PRDM16: variants seen among roughly 807,000 people sequenced by gnomAD.
The protein encoded by PRDM16 is histone-lysine N-methyltransferase PRDM16.
A neutral mutation model predicts 110.6 loss-of-function variants in PRDM16; 23 were observed. The ratio of observed to expected loss-of-function variants is 0.21; its 90% confidence interval spans 0.15 to 0.29. The LOEUF (loss-of-function observed/expected upper bound fraction) is 0.29. PRDM16 is among the 10% of genes least tolerant of loss of function. The pLI, the probability that PRDM16 is intolerant of heterozygous loss-of-function variation, is 1.00. For missense variants in PRDM16, 1,615 were observed against 1,794.3 expected, an observed-to-expected ratio of 0.90 and a Z score of 1.81; for synonymous variants, 799 against 781.8, an observed-to-expected ratio of 1.02 and a Z score of -0.37.
rs547428509 is a variant in PRDM16 at position 3,196,592 on chromosome 1, AG to A, written c.387+10119del. Reference sequence around the variant, plus strand: ...TGCCCGTGGCACCAGAGAGGGGTTCAGCCAGGAACCGCAGGGGTTCCTGACC... The same window carrying A: ...TGCCCGTGGCACCAGAGAGGGGTTCACCAGGAACCGCAGGGGTTCCTGACC... On this transcript the variant is annotated intron_variant, in intron 2 of 16. Transcript: ENST00000270722. 2.9e-3 allele frequency among the ~76,000 whole-genome samples: 435 copies of A among 152,288 alleles called. 2 individuals carry two copies. Among genetic ancestry groups the A allele is most frequent in the Middle Eastern group, 6.8e-3 (2 of 294 alleles).
At chr1:3,106,723 G>T (rs556881536) in intron 1 of PRDM16, among the ~76,000 whole-genome samples, 8 of 152,276 alleles carry the variant, frequency 5.3e-5, no homozygotes, top group Middle Eastern at 3.4e-3. Context: ...GGCCAGCATG[G>T]GGGGGAGCAG....
Position 3,437,983 on chromosome 1 carries a change from C to T in PRDM16, c.*4172C>T. ...ATCCTCGCAGAATCACAGACCTGTG[C>T]CGCCCGCCACCTTCTGCCATTGTTA... On this transcript the variant is annotated 3_prime_UTR_variant, in exon 17 of 17. Coordinates refer to ENST00000270722, the MANE Select transcript of PRDM16 (RefSeq NM_022114.4). 4.6e-6 allele frequency: 1 copy of T among 219,720 alleles called. No individual in the cohort carries two copies. Among genetic ancestry groups the T allele is most frequent in the Non-Finnish European group, 9.1e-6 (1 of 109,432 alleles). The allele number at this position is 219,720 out of a possible 1,614,324, so 13.6% of individuals were successfully genotyped here.
intron 2 of PRDM16, among the ~76,000 whole-genome samples, chr1:3,238,744 G>A (rs190753995): frequency 6.6e-6 from 1 of 152,362 alleles, no homozygotes; most frequent in African/African-American, 2.4e-5. Flanking sequence ...TCAGGTGCAA[G>A]TCCCGGGTGG....
At chr1:3,380,005 C>T (rs1411380249) in intron 3 of PRDM16, among the ~76,000 whole-genome samples, 2 of 129,390 alleles carry the variant, frequency 1.5e-5, no homozygotes, top group South Asian at 2.8e-4. Context: ...TCCCAGCACA[C>T]CCCTCCCAGT....
chr1:3,180,994 A>ACC (rs1644150481), intron 1 of PRDM16, among the ~76,000 whole-genome samples: 2 of 136,816 alleles, frequency 1.5e-5, no homozygotes, highest in African/African-American at 5.3e-5. Context: ...AGTCTTACAC[A>ACC]CGATCTTACA....
chr1:3,139,844 T>G (rs1279591238), intron 1 of PRDM16, among the ~76,000 whole-genome samples: 1 of 152,154 alleles, frequency 6.6e-6, no homozygotes, highest in East Asian at 1.9e-4. Context: ...TGAAAGACGG[T>G]CCTAAGACAC....
In PRDM16 at chr1:3,091,835, C is replaced by T. The variant is rs531913844; in HGVS notation, c.37+22539C>T. Among the ~76,000 whole-genome samples, 19 of 152,318 alleles carry T rather than the reference C, an allele frequency of 1.2e-4. No homozygotes were observed. The South Asian group carries it at 3.5e-3, about 28-fold the overall frequency. On this transcript the variant is annotated intron_variant, in intron 1 of 16. Coordinates refer to ENST00000270722, the MANE Select transcript of PRDM16 (RefSeq NM_022114.4). ...CCCCACTTGCCCCGACTCTGTGAACCTGGAGAGAAAGGGCCTGTCCCCAGA... is the reference window on the plus strand; with the variant it reads ...CCCCACTTGCCCCGACTCTGTGAACTTGGAGAGAAAGGGCCTGTCCCCAGA...
At chr1:3,287,161 C>T (rs185168014) in intron 3 of PRDM16, among the ~76,000 whole-genome samples, 129 of 152,330 alleles carry the variant, frequency 8.5e-4, no homozygotes, top group African/African-American at 2.7e-3. Flanking sequence ...GGGACCTGGA[C>T]GCTTGATGTT....
Position 3,246,383 on chromosome 1 carries a change from C to CA in PRDM16, c.438+2247dup. 6.6e-6 allele frequency among the ~76,000 whole-genome samples: 1 copy of CA among 152,230 alleles called. No individual in the cohort carries two copies. The highest frequency in any genetic ancestry group is 6.5e-5 in the Admixed American group (1 of 15,292). The stretch of plus-strand genomic sequence containing the variant: ...CGGGCTGAGGAGTCTCAGGTTCCGC[C>CA]ATCCCACGGAATCAGAGCAGACCCG... On this transcript the variant is annotated intron_variant, in intron 3 of 16. Transcript: ENST00000270722. The surrounding 1 kb of genome is among the most constrained non-coding windows in gnomAD (Gnocchi z 5.2).
rs1252021983 is a variant in PRDM16 at position 3,213,088 on chromosome 1, G to A, written c.387+26614G>A. Among the ~76,000 whole-genome samples, 1 of 152,200 alleles carries A rather than the reference G, an allele frequency of 6.6e-6. No individual in the cohort carries two copies. The highest frequency in any genetic ancestry group is 2.4e-5 in the African/African-American group (1 of 41,460). The stretch of plus-strand genomic sequence containing the variant: ...GCCGCACGCTTCCCCGGGAGGCCGA[G>A]CTCAGGAAGACGCGGCAAATCCCAT... On this transcript the variant is annotated intron_variant, in intron 2 of 16. Coordinates refer to ENST00000270722, the MANE Select transcript of PRDM16 (RefSeq NM_022114.4). The surrounding 1 kb of genome is among the most constrained non-coding windows in gnomAD (Gnocchi z 5.3).
chr1:3,334,781 G>C (rs976819022), intron 3 of PRDM16, among the ~76,000 whole-genome samples: 8 of 152,218 alleles, frequency 5.3e-5, no homozygotes, highest in Non-Finnish European at 7.3e-5. Flanking sequence ...GCCGGGAACA[G>C]AGCAAACGAA....
In PRDM16 at chr1:3,287,483, T is replaced by C. The variant is rs12030043; in HGVS notation, c.438+43346T>C. ...CCCCTGCCACGCGGGCATCCAGGATTGCATTTACCGGGGCTGGAGCCGCCC... is the reference window on the plus strand; with the variant it reads ...CCCCTGCCACGCGGGCATCCAGGATCGCATTTACCGGGGCTGGAGCCGCCC... On this transcript the variant is annotated intron_variant, in intron 3 of 16. Transcript: ENST00000270722. Among the ~76,000 whole-genome samples the C allele has an allele frequency of 5.7e-3, 451 of 79,218 alleles. 71 individuals are homozygous for C. The East Asian group carries it at 0.086, about 15-fold the overall frequency. 52.0% of individuals were successfully genotyped at this position (79,218 alleles called of 152,430 possible). A position where few individuals can be genotyped will look rare whatever the true frequency, so the allele number is the denominator to read the frequency against.
rs1447598512 is a variant in PRDM16 at position 3,127,930 on chromosome 1, G to A, written c.38-58195G>A. On this transcript the variant is annotated intron_variant, in intron 1 of 16. Coordinates refer to ENST00000270722, the MANE Select transcript of PRDM16 (RefSeq NM_022114.4). ...ACAGAAGCCTGGGTGCTGTGGCCATGGAGGAGGGGCTCCCGCCTCTGGTCA... is the reference window on the plus strand; with the variant it reads ...ACAGAAGCCTGGGTGCTGTGGCCATAGAGGAGGGGCTCCCGCCTCTGGTCA... 3 of 154,114 alleles carry A rather than the reference G, an allele frequency of 1.9e-5. No individual in the cohort carries two copies. In the Admixed American group the frequency reaches 2.0e-4, roughly 10 times the overall value. The allele number at this position is 154,114 out of a possible 1,614,324, so 9.5% of individuals were successfully genotyped here.
In PRDM16 at chr1:3,128,728, G is replaced by A. The variant is rs150172433; in HGVS notation, c.38-57397G>A. ...TACTGGAGACCATCCCACCCGGGTC[G>A]GTGGCTGTTTTCCGGTGGTGGCAAC... On this transcript the variant is annotated intron_variant, in intron 1 of 16. Coordinates refer to ENST00000270722, the MANE Select transcript of PRDM16 (RefSeq NM_022114.4). 6.4e-3 allele frequency among the ~76,000 whole-genome samples: 970 copies of A among 151,902 alleles called. 11 individuals carry two copies. The highest frequency in any genetic ancestry group is 0.031 in the Middle Eastern group (9 of 294).
chr1:3,250,867 C>T (rs1296699381), intron 3 of PRDM16, among the ~76,000 whole-genome samples: 1 of 152,184 alleles, frequency 6.6e-6, no homozygotes. Context: ...GAGGGTACAG[C>T]CTGGGGGAAA....
At chr1:3,409,595 C>A (rs1432584253) in intron 8 of PRDM16, among the ~76,000 whole-genome samples, 1 of 152,070 alleles carries the variant, frequency 6.6e-6, no homozygotes, top group African/African-American at 2.4e-5. Flanking sequence ...TTGTTTCCAC[C>A]ACGCCGTGTT....
chr1:3,323,299 C>A (rs905588651), intron 3 of PRDM16, among the ~76,000 whole-genome samples: 4 of 152,218 alleles, frequency 2.6e-5, no homozygotes, highest in Admixed American at 2.6e-4. Flanking sequence ...GAGAGTCCGA[C>A]CTCCTGGGCT....
chr1:3,218,531 C>T lies in PRDM16; in HGVS notation c.388-25556C>T, dbSNP rs1207504016. Reference sequence around the variant, plus strand: ...AGATGTGCCCGCCCGCACAGGTGGGCATCGGTGGGGCCTGTCTCTTCACCA... The same window carrying T: ...AGATGTGCCCGCCCGCACAGGTGGGTATCGGTGGGGCCTGTCTCTTCACCA... On this transcript the variant is annotated intron_variant, in intron 2 of 16. Coordinates refer to ENST00000270722, the MANE Select transcript of PRDM16 (RefSeq NM_022114.4). 2.0e-5 allele frequency among the ~76,000 whole-genome samples: 3 copies of T among 152,248 alleles called. No homozygotes were observed. In the East Asian group the frequency reaches 5.8e-4, roughly 29 times the overall value.
chr1:3,319,204 G>C (rs930075297), intron 3 of PRDM16, among the ~76,000 whole-genome samples: 1 of 152,192 alleles, frequency 6.6e-6, no homozygotes, highest in South Asian at 2.1e-4. Flanking sequence ...CCTGCTGCCC[G>C]GCAGGGATGG....
Sources: allele counts gnomAD v4.1 joint callset (sites outside exome capture counted in the v4.1 genomes callset), GRCh38; gene constraint gnomAD v4.1.1; non-coding constraint Gnocchi (gnomAD v3.1); transcripts MANE v1.5; gene names NCBI Gene and HGNC (gene_info 2026-07-23, HGNC 2026-07-21).